Variants in CNBD1 observed in about 807,000 individuals in gnomAD.
The protein encoded by CNBD1 is cyclic nucleotide-binding domain-containing protein 1.
CNBD1 carries 71 observed loss-of-function variants against 54.4 expected under a neutral mutation model. The observed-to-expected ratio is 1.30, with a 90% confidence interval of 1.08 to 1.59. The LOEUF (loss-of-function observed/expected upper bound fraction) is 1.59, where lower values mean the gene tolerates loss of function less well. Ranked by LOEUF, CNBD1 falls within the 40% of genes most tolerant of loss-of-function variation. CNBD1 has a pLI of 0.00. For synonymous variants in CNBD1, 182 were observed against 170.7 expected (o/e 1.07, Z -0.51); for missense variants, 659 against 518.0 (o/e 1.27, Z -2.64).
At chr8:87,056,984 G>T (rs1563452241) in intron 4 of CNBD1, among the ~76,000 whole-genome samples, 1 of 152,170 alleles carries the variant, frequency 6.6e-6, no homozygotes, top group Non-Finnish European at 1.5e-5. Flanking sequence ...TGGAACCTGT[G>T]ATTTGCTTCC....
At chr8:87,274,698 A>G (rs1808439759) in intron 6 of CNBD1, among the ~76,000 whole-genome samples, 1 of 130,906 alleles carries the variant, frequency 7.6e-6, no homozygotes, top group African/African-American at 3.1e-5. Flanking sequence ...GGTTGTGAAA[A>G]TTTTCTCCCA....
intron 4 of CNBD1, among the ~76,000 whole-genome samples, chr8:86,983,427 C>A (rs946608909): frequency 6.6e-6 from 1 of 152,056 alleles, no homozygotes; most frequent in Non-Finnish European, 1.5e-5. Context: ...TGAAAATATA[C>A]CCAAAAAAGT....
intron 1 of CNBD1, among the ~76,000 whole-genome samples, chr8:86,876,756 G>A (rs1440190439): frequency 6.6e-6 from 1 of 151,692 alleles, no homozygotes; most frequent in African/African-American, 2.4e-5. Context: ...ATATTTTATA[G>A]TTTTAGTTTT....
chr8:87,239,224 G>A (rs1000549767), intron 6 of CNBD1, among the ~76,000 whole-genome samples: 1 of 152,134 alleles, frequency 6.6e-6, no homozygotes, highest in Non-Finnish European at 1.5e-5. Flanking sequence ...TGTTGTTTAA[G>A]TTTGCAGAAG....
At chr8:87,396,927 G>T (rs1208694470) in intron 2 of CNBD1, among the ~76,000 whole-genome samples, 1 of 141,516 alleles carries the variant, frequency 7.1e-6, no homozygotes, top group Non-Finnish European at 1.5e-5. Context: ...TAAATCATCT[G>T]GAACTTCTTT....
intron 4 of CNBD1, among the ~76,000 whole-genome samples, chr8:87,028,686 G>A (rs891502566): frequency 5.9e-5 from 9 of 152,166 alleles, no homozygotes; most frequent in African/African-American, 2.2e-4. Flanking sequence ...AATGCAGGGG[G>A]CCTGATGTCT....
At chr8:87,391,449 C>T (rs1021681688) in intron 2 of CNBD1, among the ~76,000 whole-genome samples, 1 of 151,858 alleles carries the variant, frequency 6.6e-6, no homozygotes, top group African/African-American at 2.4e-5. Context: ...ATACACCTCC[C>T]AATTTCAAAA....
chr8:86,901,537 G>A (rs13273275), intron 2 of CNBD1, among the ~76,000 whole-genome samples: 62,168 of 151,988 alleles, frequency 0.41, 15,585 homozygotes, highest in South Asian at 0.6. Context: ...AGGGTATTTC[G>A]GGCTGCTATA....
chr8:87,332,754 A>G (rs568871399), intron 8 of CNBD1, among the ~76,000 whole-genome samples: 17 of 152,116 alleles, frequency 1.1e-4, no homozygotes, highest in Non-Finnish European at 2.2e-4. Flanking sequence ...TTTTTGTACA[A>G]GTACCATGCT....
chr8:86,971,293 A>G (rs1027664505), intron 4 of CNBD1, among the ~76,000 whole-genome samples: 1 of 152,100 alleles, frequency 6.6e-6, no homozygotes, highest in East Asian at 1.9e-4. Context: ...TTTTTATACC[A>G]TCAGATCTTG....
At chr8:86,995,456 T>C (rs1808847764) in intron 4 of CNBD1, among the ~76,000 whole-genome samples, 1 of 152,212 alleles carries the variant, frequency 6.6e-6, no homozygotes, top group African/African-American at 2.4e-5. Flanking sequence ...GGCCATAGAT[T>C]CCTGACCCCT....
At chr8:87,074,149 G>T (rs977194160) in intron 4 of CNBD1, among the ~76,000 whole-genome samples, 1 of 151,720 alleles carries the variant, frequency 6.6e-6, no homozygotes, top group African/African-American at 2.4e-5. Context: ...GGTAGAGCAG[G>T]TGTGCTGCAC....
chr8:86,915,095 G>C (rs922230316), intron 3 of CNBD1, among the ~76,000 whole-genome samples: 1 of 152,120 alleles, frequency 6.6e-6, no homozygotes, highest in African/African-American at 2.4e-5. Flanking sequence ...TTTCTCAAAG[G>C]TAGTTTGGGG....
At chr8:87,225,895 T>C (rs984154101) in intron 5 of CNBD1, among the ~76,000 whole-genome samples, 6 of 149,352 alleles carry the variant, frequency 4.0e-5, no homozygotes, top group African/African-American at 1.5e-4. Context: ...TGGTAAGCTA[T>C]TGATTATTGC....
At chr8:87,167,932 T>C (rs1016899060) in intron 4 of CNBD1, among the ~76,000 whole-genome samples, 3 of 152,038 alleles carry the variant, frequency 2.0e-5, no homozygotes, top group Non-Finnish European at 4.4e-5. Flanking sequence ...ACCTAGGCTA[T>C]ATAACATAGC....
At chr8:87,059,880 G>T (rs1406846908) in intron 4 of CNBD1, among the ~76,000 whole-genome samples, 2 of 152,198 alleles carry the variant, frequency 1.3e-5, no homozygotes, top group African/African-American at 4.8e-5. Context: ...CTCAGTCAAG[G>T]GAAGGTACCC....
chr8:87,133,019 T>C (rs1812152285), intron 4 of CNBD1, among the ~76,000 whole-genome samples: 1 of 151,766 alleles, frequency 6.6e-6, no homozygotes, highest in South Asian at 2.1e-4. Context: ...CTTCTGTAAA[T>C]CTAATTGACT....
intron 8 of CNBD1, among the ~76,000 whole-genome samples, chr8:87,309,779 A>T (rs1482065607): frequency 6.6e-6 from 1 of 152,098 alleles, no homozygotes; most frequent in African/African-American, 2.4e-5. Flanking sequence ...AAAGCAAGTC[A>T]TACTTCTGTT....
intron 4 of CNBD1, among the ~76,000 whole-genome samples, chr8:86,955,195 G>A (rs1158110063): frequency 6.6e-6 from 1 of 152,096 alleles, no homozygotes; most frequent in African/African-American, 2.4e-5. Context: ...AGTATTCATG[G>A]TGTATATGTG....
Sources: allele counts gnomAD v4.1 joint callset (sites outside exome capture counted in the v4.1 genomes callset), GRCh38; gene constraint gnomAD v4.1.1; transcripts MANE v1.5; gene names NCBI Gene and HGNC (gene_info 2026-07-23, HGNC 2026-07-21).